Variants in EXOC4 observed in about 807,000 individuals in gnomAD.
EXOC4 encodes exocyst complex component 4, also known as SEC8-like 1.
A neutral mutation model predicts 107.2 loss-of-function variants in EXOC4; 71 were observed. The observed-to-expected ratio is 0.66, with a 90% CI of 0.55 to 0.81. The LOEUF (loss-of-function observed/expected upper bound fraction) is 0.81. Among genes scored for constraint, EXOC4 ranks in the 30% least tolerant of loss-of-function variants. The probability of loss-of-function intolerance (pLI) is 0.00; values close to 1 mark genes in which losing one functional copy is unlikely to be tolerated. For synonymous variants in EXOC4, 456 were observed against 441.2 expected (o/e 1.03, Z -0.42); for missense variants, 1,108 against 1,189.6 (o/e 0.93, Z 1.01).
At chr7:133,748,549 A>G (rs1039610312) in intron 10 of EXOC4, among the ~76,000 whole-genome samples, 1 of 152,160 alleles carries the variant, frequency 6.6e-6, no homozygotes, top group African/African-American at 2.4e-5. Flanking sequence ...TTAGCATGTA[A>G]TTTTATTTAT....
intron 17 of EXOC4, among the ~76,000 whole-genome samples, chr7:134,037,686 A>C (rs1795423140): frequency 6.6e-6 from 1 of 152,112 alleles, no homozygotes; most frequent in Admixed American, 6.5e-5. Flanking sequence ...CCTCAGGGAG[A>C]GTCCTTGAGT....
chr7:133,960,832 C>A (rs571238769), intron 14 of EXOC4, among the ~76,000 whole-genome samples: 1 of 152,326 alleles, frequency 6.6e-6, no homozygotes, highest in East Asian at 1.9e-4. Flanking sequence ...CAGTAGTCAG[C>A]TGCAATGACA....
the EXOC4 span, among the ~76,000 whole-genome samples, chr7:134,093,540 T>A: frequency 7.9e-5 from 12 of 152,032 alleles, no homozygotes; most frequent in African/African-American, 2.9e-4. Context: ...AACAAAGAAA[T>A]CCTGGACTTA....
At chr7:133,914,547 A>C (rs1441917260) in intron 12 of EXOC4, among the ~76,000 whole-genome samples, 3 of 152,210 alleles carry the variant, frequency 2.0e-5, no homozygotes, top group Admixed American at 2.0e-4. Context: ...AGAAATCAGA[A>C]TCCCACACCT....
chr7:133,855,139 ATATAAAT>A (rs1349459675), intron 11 of EXOC4, among the ~76,000 whole-genome samples: 3 of 127,120 alleles, frequency 2.4e-5, no homozygotes, highest in African/African-American at 1.0e-4. Flanking sequence ...ATATATATAT[ATATAAAT>A]ATATATATAA....
chr7:133,436,686 G>A (rs1403292242), intron 7 of EXOC4, among the ~76,000 whole-genome samples: 1 of 152,038 alleles, frequency 6.6e-6, no homozygotes, highest in African/African-American at 2.4e-5. Flanking sequence ...ACGAGCCAGT[G>A]GCTTTCAATT....
At chr7:133,821,687 C>T (rs1389409795) in intron 11 of EXOC4, among the ~76,000 whole-genome samples, 3 of 152,244 alleles carry the variant, frequency 2.0e-5, no homozygotes, top group Admixed American at 6.5e-5. Flanking sequence ...CCTTACTTTT[C>T]GGTACTGCCT....
intron 9 of EXOC4, among the ~76,000 whole-genome samples, chr7:133,578,504 A>G (rs1801182096): frequency 1.3e-5 from 2 of 152,170 alleles, no homozygotes; most frequent in Non-Finnish European, 1.5e-5. Context: ...TAATAACATG[A>G]TTTTAAAATA....
At chr7:133,962,537 C>A (rs577321860) in intron 14 of EXOC4, among the ~76,000 whole-genome samples, 5 of 152,136 alleles carry the variant, frequency 3.3e-5, no homozygotes, top group Admixed American at 2.0e-4. Flanking sequence ...CCTCTGGTTC[C>A]CTTCGACAGC....
intron 9 of EXOC4, among the ~76,000 whole-genome samples, chr7:133,614,047 A>G (rs1802132679): frequency 6.6e-6 from 1 of 152,202 alleles, no homozygotes; most frequent in Non-Finnish European, 1.5e-5. Context: ...CTGCCAACCA[A>G]GAGACAGCAG....
chr7:133,815,489 A>G (rs1037980792), intron 10 of EXOC4, among the ~76,000 whole-genome samples: 3 of 152,154 alleles, frequency 2.0e-5, no homozygotes, highest in African/African-American at 7.2e-5. Flanking sequence ...CATTAGAAAC[A>G]TTGACAAAGT....
intron 10 of EXOC4, among the ~76,000 whole-genome samples, chr7:133,699,547 G>A (rs1199716458): frequency 2.0e-5 from 3 of 152,158 alleles, no homozygotes; most frequent in African/African-American, 7.2e-5. Context: ...TGCTGGGCTG[G>A]TCTCCTTGTA....
chr7:134,040,807 C>T (rs1795497878), intron 17 of EXOC4, among the ~76,000 whole-genome samples: 1 of 152,128 alleles, frequency 6.6e-6, no homozygotes, highest in South Asian at 2.1e-4. Context: ...TCAGGATGAT[C>T]CTTCTAAAGG....
the EXOC4 span, among the ~76,000 whole-genome samples, chr7:134,096,439 A>G: frequency 2.2e-4 from 33 of 152,342 alleles, 1 homozygote; most frequent in African/African-American, 7.7e-4. Context: ...AAAGGGACAG[A>G]ACTAATGGGA....
intron 7 of EXOC4, among the ~76,000 whole-genome samples, chr7:133,405,507 G>A (rs569751026): frequency 6.6e-6 from 1 of 152,104 alleles, no homozygotes; most frequent in South Asian, 2.1e-4. Context: ...GTCTTTGGTA[G>A]CAAATGTACC....
intron 14 of EXOC4, among the ~76,000 whole-genome samples, chr7:133,954,928 C>T (rs770237690): frequency 6.6e-6 from 1 of 152,268 alleles, no homozygotes; most frequent in African/African-American, 2.4e-5. Context: ...GCAGCTTCCA[C>T]ACCTGGCACC....
At chr7:133,857,482 A>G (rs1295435482) in intron 11 of EXOC4, among the ~76,000 whole-genome samples, 1 of 74,228 alleles carries the variant, frequency 1.3e-5, no homozygotes, top group East Asian at 4.1e-4. Flanking sequence ...AGTTTCACTC[A>G]TGCCCGTTGG....
the EXOC4 span, among the ~76,000 whole-genome samples, chr7:134,079,960 G>A: frequency 2.6e-5 from 4 of 152,152 alleles, no homozygotes; most frequent in African/African-American, 7.2e-5. Context: ...CAGAGCCTTG[G>A]ACTCTGATCA....
At chr7:133,928,255 G>T (rs1800095540) in intron 13 of EXOC4, among the ~76,000 whole-genome samples, 1 of 152,190 alleles carries the variant, frequency 6.6e-6, no homozygotes, top group Non-Finnish European at 1.5e-5. Flanking sequence ...GTGGTCACCT[G>T]TGCCATTGTG....
Sources: gnomAD v4.1 joint callset for allele counts (sites outside exome capture counted in the v4.1 genomes callset) on GRCh38, gnomAD v4.1.1 for gene constraint, MANE v1.5 for transcripts, NCBI Gene and HGNC (gene_info 2026-07-23, HGNC 2026-07-21) for gene names.